FYB1: variants seen among roughly 807,000 people sequenced by gnomAD.
The protein encoded by FYB1 is FYN binding protein 1.
Under a neutral mutation model 94.1 loss-of-function variants are expected in FYB1, and 41 were observed. The observed-to-expected ratio is 0.44, with a 90% CI of 0.34 to 0.57. The LOEUF is 0.57. Ranked by LOEUF, FYB1 falls within the 20% of genes least tolerant of loss-of-function variation. The probability of loss-of-function intolerance (pLI) is 0.02; values close to 1 mark genes in which losing one functional copy is unlikely to be tolerated. For missense variants in FYB1, 1,050 were observed against 976.8 expected (o/e 1.07, Z -1.00); for synonymous variants, 367 against 353.2 (o/e 1.04, Z -0.44).
In FYB1 at chr5:39,105,321, C is replaced by T. The variant is rs1314115033; in HGVS notation, c.*2122G>A. On this transcript the variant is annotated 3_prime_UTR_variant, in exon 19 of 19. Transcript: ENST00000512982. ...CAAAATTCCATACAGAAGACTATAACAGAAATCATATTTAATATATTAAAA... is the reference window on the plus strand; with the variant it reads ...CAAAATTCCATACAGAAGACTATAATAGAAATCATATTTAATATATTAAAA... The T allele has an allele frequency of 6.6e-6, 1 of 152,084 alleles. No homozygotes were observed. The highest frequency in any genetic ancestry group is 1.5e-5 in the Non-Finnish European group (1 of 68,028). 9.4% of individuals were successfully genotyped at this position (152,084 alleles called of 1,614,324 possible).
chr5:39,112,117 C>T (rs979943743), intron 16 of FYB1, among the ~76,000 whole-genome samples: 16 of 151,856 alleles, frequency 1.1e-4, no homozygotes, highest in African/African-American at 3.4e-4. Flanking sequence ...AAATAACAAG[C>T]TTTTAGAACA....
At chr5:39,147,990 G>A (rs1398819731) in intron 3 of FYB1, among the ~76,000 whole-genome samples, 1 of 139,998 alleles carries the variant, frequency 7.1e-6, no homozygotes, top group Admixed American at 7.2e-5. Context: ...AGTCCACCCT[G>A]TCTTCTAAAA....
chr5:39,215,227 TA>T (rs199942772), intron 1 of FYB1, among the ~76,000 whole-genome samples: 1 of 152,178 alleles, frequency 6.6e-6, no homozygotes, highest in South Asian at 2.1e-4. Flanking sequence ...ATAAGAATGT[TA>T]AAAAAGGTGT....
intron 17 of FYB1, 85 bp from the exon 18 acceptor site, chr5:39,108,347 T>C: frequency 8.3e-7 from 1 of 1,204,030 alleles, no homozygotes; most frequent in Non-Finnish European, 1.1e-6. Context: ...AGTAACAGTA[T>C]AATTTTATAA....
chr5:39,201,018 G>A (rs1235021152), intron 2 of FYB1, among the ~76,000 whole-genome samples: 1 of 152,150 alleles, frequency 6.6e-6, no homozygotes, highest in Admixed American at 6.5e-5. Context: ...TACCCGAAAG[G>A]AGAGTAAAGT....
At chr5:39,254,870 T>A (rs1258222913) in intron 1 of FYB1, among the ~76,000 whole-genome samples, 3 of 151,874 alleles carry the variant, frequency 2.0e-5, no homozygotes, top group African/African-American at 7.3e-5. Flanking sequence ...AAAAAGAAAG[T>A]TGGAACCAAA....
In FYB1 at chr5:39,153,481, G is replaced by T. The variant is rs751617975; in HGVS notation, c.1259C>A (p.Pro420His). The part of the protein sequence containing the change: ...HPSQPPVPSL[P>H]PRNIKPPFDL... ...AAACGGAGGTTTAATGTTTCTGGGAGGTAGGCTTGGGACTGGTGGTTGTGA... is the reference window on the plus strand; with the variant it reads ...AAACGGAGGTTTAATGTTTCTGGGATGTAGGCTTGGGACTGGTGGTTGTGA... Residue 420 changes from proline (P) to histidine (H), a missense_variant, in exon 3 of 19, where the codon CCT becomes CAT. Transcript: ENST00000512982. The T allele has an allele frequency of 2.5e-6, 4 of 1,613,952 alleles. No individual in the cohort carries two copies. The highest frequency in any genetic ancestry group is 3.4e-6 in the Non-Finnish European group (4 of 1,179,872).
At chr5:39,264,234 G>T (rs1185297311) in intron 1 of FYB1, among the ~76,000 whole-genome samples, 1 of 152,114 alleles carries the variant, frequency 6.6e-6, no homozygotes, top group Admixed American at 6.5e-5. Flanking sequence ...ATGCATATGG[G>T]ATAATAATAA....
intron 1 of FYB1, among the ~76,000 whole-genome samples, chr5:39,263,687 A>G (rs1213634332): frequency 6.6e-6 from 1 of 152,022 alleles, no homozygotes; most frequent in Non-Finnish European, 1.5e-5. Flanking sequence ...CAGTTTATTT[A>G]TTTTCACATC....
chr5:39,180,396 T>C (rs11949819), intron 2 of FYB1, among the ~76,000 whole-genome samples: 134,749 of 152,158 alleles, frequency 0.89, 60,611 homozygotes, highest in Non-Finnish European at 0.97. Context: ...ATTCCTATTC[T>C]TTTTCCATTC....
At chr5:39,244,093 A>C in intron 1 of FYB1, among the ~76,000 whole-genome samples, 1 of 152,094 alleles carries the variant, frequency 6.6e-6, no homozygotes. Context: ...GCAAACAGGG[A>C]CAATTTGAGT....
chr5:39,194,097 G>T (rs1261063508), intron 2 of FYB1, among the ~76,000 whole-genome samples: 2 of 152,200 alleles, frequency 1.3e-5, no homozygotes, highest in Non-Finnish European at 2.9e-5. Flanking sequence ...TAAGGACAAA[G>T]ATTTCTTTGG....
intron 3 of FYB1, among the ~76,000 whole-genome samples, chr5:39,143,138 C>G (rs66483365): frequency 0.26 from 39,683 of 151,996 alleles, 5,563 homozygotes; most frequent in African/African-American, 0.37. Context: ...TCTAGCCCAG[C>G]CTTCTCTTCT....
chr5:39,190,676 C>T (rs12653561), intron 2 of FYB1, among the ~76,000 whole-genome samples: 8 of 152,000 alleles, frequency 5.3e-5, no homozygotes, highest in Non-Finnish European at 8.8e-5. Flanking sequence ...AAAGAAACAG[C>T]GATTACTGAA....
intron 1 of FYB1, among the ~76,000 whole-genome samples, chr5:39,227,553 T>C (rs1244287492): frequency 6.6e-6 from 1 of 152,266 alleles, no homozygotes; most frequent in Non-Finnish European, 1.5e-5. Flanking sequence ...TGCTGTGTTA[T>C]TGTTTAAGCT....
At chr5:39,127,455 A>AC (rs1740794407) in intron 11 of FYB1, among the ~76,000 whole-genome samples, 1 of 150,408 alleles carries the variant, frequency 6.6e-6, no homozygotes, top group South Asian at 2.1e-4. Flanking sequence ...TGTCTCAAAA[A>AC]AAAAAAAAAA....
chr5:39,251,693 T>G (rs1013844802), intron 1 of FYB1, among the ~76,000 whole-genome samples: 6 of 152,096 alleles, frequency 3.9e-5, no homozygotes, highest in Admixed American at 6.6e-5. Context: ...ATTTAAGAAC[T>G]AAGTAAAATT....
intron 2 of FYB1, among the ~76,000 whole-genome samples, chr5:39,181,876 T>C (rs1001274156): frequency 2.6e-5 from 4 of 152,212 alleles, no homozygotes; most frequent in African/African-American, 9.6e-5. Flanking sequence ...TTTAATTTTT[T>C]TTAATTGTGG....
intron 2 of FYB1, among the ~76,000 whole-genome samples, chr5:39,157,859 G>A (rs1004622115): frequency 6.6e-6 from 1 of 152,184 alleles, no homozygotes; most frequent in African/African-American, 2.4e-5. Flanking sequence ...TCTGGACAGT[G>A]CAGGATGGTT....
Sources: allele counts gnomAD v4.1 joint callset (sites outside exome capture counted in the v4.1 genomes callset), GRCh38; gene constraint gnomAD v4.1.1; transcripts MANE v1.5; gene names NCBI Gene and HGNC (gene_info 2026-07-23, HGNC 2026-07-21).